The following SAMD12 variants were observed in gnomAD, a reference collection of about 807,000 sequenced individuals.
SAMD12 encodes the protein sterile alpha motif domain containing 12.
A neutral mutation model predicts 15.0 loss-of-function variants in SAMD12; 9 were observed. That is an observed-to-expected ratio of 0.60 (90% CI 0.36 to 1.05). The LOEUF (loss-of-function observed/expected upper bound fraction) is 1.05, where lower values mean the gene tolerates loss of function less well. Ranked by LOEUF, SAMD12 falls within the 50% of genes least tolerant of loss-of-function variation. The pLI, the probability that SAMD12 is intolerant of heterozygous loss-of-function variation, is 0.01. For synonymous variants in SAMD12, 86 were observed against 90.1 expected, an observed-to-expected ratio of 0.96 and a Z score of 0.25; for missense variants, 230 against 234.2, an observed-to-expected ratio of 0.98 and a Z score of 0.12.
intron 4 of SAMD12, among the ~76,000 whole-genome samples, chr8:118,306,856 T>C (rs1815375616): frequency 6.6e-6 from 1 of 152,206 alleles, no homozygotes; most frequent in Non-Finnish European, 1.5e-5. Flanking sequence ...TCCTAAGTTT[T>C]TGCCTTCTCC....
intron 1 of SAMD12, among the ~76,000 whole-genome samples, chr8:118,602,245 C>T (rs575890951): frequency 1.3e-5 from 2 of 152,322 alleles, no homozygotes; most frequent in Admixed American, 6.5e-5. Flanking sequence ...TGAGTGTGTA[C>T]ACGTGCACTA....
intron 2 of SAMD12, among the ~76,000 whole-genome samples, chr8:118,492,801 G>T (rs1294811603): frequency 6.6e-6 from 1 of 152,108 alleles, no homozygotes. Flanking sequence ...TTCAAATTAC[G>T]ATATATAAAC....
the SAMD12 span, among the ~76,000 whole-genome samples, chr8:118,142,131 C>A: frequency 3.5e-4 from 54 of 152,256 alleles, 1 homozygote; most frequent in Admixed American, 8.5e-4. Context: ...AAAGTTGTTC[C>A]AAGGCCTCAG....
intron 2 of SAMD12, among the ~76,000 whole-genome samples, chr8:118,482,256 A>G (rs1340519764): frequency 1.3e-5 from 2 of 152,218 alleles, no homozygotes; most frequent in African/African-American, 4.8e-5. Context: ...CCAAATGGGC[A>G]TTATTAGTCA....
chr8:118,521,231 C>G (rs77353812), intron 2 of SAMD12, among the ~76,000 whole-genome samples: 4,111 of 152,240 alleles, frequency 0.027, 177 homozygotes, highest in African/African-American at 0.091. Context: ...GCTGTTATCT[C>G]TACCCAGCAC....
intron 4 of SAMD12, among the ~76,000 whole-genome samples, chr8:118,213,444 C>T (rs1486062121): frequency 3.9e-5 from 6 of 152,210 alleles, no homozygotes; most frequent in African/African-American, 1.4e-4. Context: ...CAGCAGCCAC[C>T]GCAGCTGAAC....
chr8:118,430,371 C>CCT (rs1822362927), intron 3 of SAMD12, among the ~76,000 whole-genome samples: 1 of 146,042 alleles, frequency 6.8e-6, no homozygotes, highest in Non-Finnish European at 1.5e-5. Context: ...CTGTAATTGC[C>CCT]TTTTTTTTTT....
At chr8:118,557,224 T>C (rs938198709) in intron 2 of SAMD12, among the ~76,000 whole-genome samples, 2 of 152,160 alleles carry the variant, frequency 1.3e-5, no homozygotes, top group Admixed American at 1.3e-4. Context: ...AGAGACCTGA[T>C]GGTTTATAAG....
chr8:118,359,438 C>T lies in SAMD12; in HGVS notation c.433+20122G>A, dbSNP rs373961418. ...CAGCCCCAGCCGACTAATATAATCTCCCACCATGTTCCAAACCCAGTTAGG... is the reference window on the plus strand; with the variant it reads ...CAGCCCCAGCCGACTAATATAATCTTCCACCATGTTCCAAACCCAGTTAGG... On this transcript the variant is annotated intron_variant, in intron 4 of 4. Transcript: ENST00000409003. Among the ~76,000 whole-genome samples the T allele has an allele frequency of 3.3e-5, 5 of 152,208 alleles. No homozygotes were observed. In the East Asian group the frequency reaches 9.6e-4, roughly 29 times the overall value.
the SAMD12 span, among the ~76,000 whole-genome samples, chr8:118,139,400 C>A: frequency 1.3e-5 from 2 of 152,048 alleles, no homozygotes; most frequent in African/African-American, 4.8e-5. Context: ...ACTCTGTCAC[C>A]CAGCCTAGAG....
intron 1 of SAMD12, among the ~76,000 whole-genome samples, chr8:118,620,740 G>A (rs556272749): frequency 3.3e-5 from 5 of 152,278 alleles, no homozygotes; most frequent in South Asian, 2.1e-4. Flanking sequence ...TGGCCTTCTC[G>A]TCTCTAGCCT....
chr8:118,240,870 C>T (rs566248736), intron 4 of SAMD12, among the ~76,000 whole-genome samples: 80 of 152,164 alleles, frequency 5.3e-4, no homozygotes, highest in Non-Finnish European at 1.0e-3. Context: ...GTTGACTGAG[C>T]TTTTTTCTCC....
intron 2 of SAMD12, among the ~76,000 whole-genome samples, chr8:118,555,545 A>G (rs1365629093): frequency 2.0e-5 from 3 of 152,216 alleles, no homozygotes; most frequent in African/African-American, 4.8e-5. Flanking sequence ...GACACTACAT[A>G]CAAAGCCTTT....
chr8:118,564,613 G>C (rs1425608661), intron 2 of SAMD12, among the ~76,000 whole-genome samples: 1 of 152,172 alleles, frequency 6.6e-6, no homozygotes, highest in Non-Finnish European at 1.5e-5. Context: ...ACCCATCTTT[G>C]TTGGGGTTTG....
intron 3 of SAMD12, among the ~76,000 whole-genome samples, chr8:118,384,984 A>G (rs1819874766): frequency 6.6e-6 from 1 of 152,122 alleles, no homozygotes; most frequent in East Asian, 1.9e-4. Context: ...GGGAATATTC[A>G]GTGAGGATGT....
rs2130711115 is a variant in SAMD12 at position 118,379,486 on chromosome 8, T to C, written c.537A>G (p.Thr179=). 2 of 1,613,898 alleles carry C rather than the reference T, an allele frequency of 1.2e-6. No individual in the cohort carries two copies. Among genetic ancestry groups the C allele is most frequent in the Non-Finnish European group, 1.7e-6 (2 of 1,179,858 alleles). ...RRKTTLLLGQ[T]GVRENLLLFL... ...ACAATAACAAATTCTCCCTGACTCC[T>C]GTCTGTCCTAATAGTAAGGTGGTCT... is the stretch of plus-strand genomic sequence containing the variant. The change falls in exon 4 of 4, where the codon ACA becomes ACG. Residue 179 remains threonine, a synonymous_variant. Coordinates refer to ENST00000314727, the MANE Select transcript of SAMD12 (RefSeq NM_207506.3).
At chr8:118,449,725 C>T (rs560145446) in intron 2 of SAMD12, among the ~76,000 whole-genome samples, 278 of 142,874 alleles carry the variant, frequency 1.9e-3, no homozygotes, top group Middle Eastern at 3.8e-3. Flanking sequence ...GGCGTGAACC[C>T]GGGAGGCAGA....
At chr8:118,472,631 C>T (rs1823834049) in intron 2 of SAMD12, among the ~76,000 whole-genome samples, 1 of 151,366 alleles carries the variant, frequency 6.6e-6, no homozygotes, top group African/African-American at 2.4e-5. Flanking sequence ...GTGATGATCG[C>T]ACCACTGCAC....
chr8:118,511,945 G>T lies in SAMD12; in HGVS notation c.192+68770C>A, dbSNP rs573350242. On this transcript the variant is annotated intron_variant, in intron 2 of 3. Transcript: ENST00000314727. Reference sequence around the variant, plus strand: ...CAAATCAAACTTGCCCTTTCTGATTGTCAATGAAATCTGCACCTCCAACCC... The same window carrying T: ...CAAATCAAACTTGCCCTTTCTGATTTTCAATGAAATCTGCACCTCCAACCC... Among the ~76,000 whole-genome samples the T allele has an allele frequency of 7.0e-4, 106 of 152,256 alleles. 1 individual carries two copies. Among genetic ancestry groups the T allele is most frequent in the African/African-American group, 2.5e-3 (103 of 41,546 alleles).
Sources: gnomAD v4.1 joint callset for allele counts (sites outside exome capture counted in the v4.1 genomes callset) on GRCh38, gnomAD v4.1.1 for gene constraint, MANE v1.5 for transcripts, NCBI Gene and HGNC (gene_info 2026-07-23, HGNC 2026-07-21) for gene names.